Variants in PLBD2 observed in about 807,000 individuals in gnomAD.
PLBD2 encodes the protein phospholipase B domain containing 2, also known as putative aminopeptidase PLBD2.
PLBD2 carries 51 observed loss-of-function variants against 68.3 expected under a neutral mutation model. That is an observed-to-expected ratio of 0.75 (90% confidence interval 0.60 to 0.94). The LOEUF (loss-of-function observed/expected upper bound fraction) is 0.94. Among genes scored for constraint, PLBD2 ranks in the 40% least tolerant of loss-of-function variants. The probability of loss-of-function intolerance (pLI) is 0.00; values close to 1 mark genes in which losing one functional copy is unlikely to be tolerated. For synonymous variants in PLBD2, 314 were observed against 339.3 expected, an observed-to-expected ratio of 0.93 and a Z score of 0.82; for missense variants, 729 against 792.2, an observed-to-expected ratio of 0.92 and a Z score of 0.96.
intron 5 of PLBD2, among the ~76,000 whole-genome samples, chr12:113,379,307 C>T: frequency 2.2e-5 from 1 of 46,482 alleles, no homozygotes; most frequent in East Asian, 5.8e-4. Flanking sequence ...GACTCTGTCT[C>T]AAAAAAAAAA....
In PLBD2 at chr12:113,371,395, G is replaced by A. The variant is rs558191352; in HGVS notation, c.385-1254G>A. Among the ~76,000 whole-genome samples the A allele has an allele frequency of 8.5e-5, 13 of 152,366 alleles. No homozygotes were observed. The East Asian group carries it at 1.9e-3, about 23-fold the overall frequency. On this transcript the variant is annotated intron_variant, in intron 2 of 11. Transcript: ENST00000280800. ...GGGTGAATCTGAGATGCCTGGAGGC[G>A]AGGGGGAAAGAGCACATCACAGAGG...
intron 8 of PLBD2, 46 bp from the exon 9 acceptor site, chr12:113,385,166 G>A: frequency 1.3e-6 from 2 of 1,596,566 alleles, no homozygotes; most frequent in Non-Finnish European, 1.7e-6. Context: ...GCCCACAGGA[G>A]CCCCTTTTCT....
At position 113,372,134 on chromosome 12, in the gene PLBD2, G is replaced by A. The variant is rs753840364; in HGVS notation, c.385-515G>A. 3.9e-5 allele frequency among the ~76,000 whole-genome samples: 6 copies of A among 151,978 alleles called. No individual in the cohort carries two copies. Among genetic ancestry groups the A allele is most frequent in the Non-Finnish European group, 5.9e-5 (4 of 68,004 alleles). The stretch of plus-strand genomic sequence containing the variant: ...GCAGTGAGTGCTGCCACTCACTCAC[G>A]GGGATGACCAGGCTACGTGGTCTTT... On this transcript the variant is annotated intron_variant, in intron 2 of 11. Transcript: ENST00000280800. The surrounding 1 kb of genome is among the most constrained non-coding windows in gnomAD (Gnocchi z 4.2).
At chr12:113,375,188 C>A in intron 5 of PLBD2, 181 bp downstream of exon 5, 1 of 623,092 alleles carries the variant, frequency 1.6e-6, no homozygotes, top group Non-Finnish European at 2.8e-6. Context: ...CTCTGTTGCC[C>A]AGGCTGGAGT....
At chr12:113,375,052 C>A in intron 5 of PLBD2, 45 bp downstream of exon 5, 1 of 1,578,096 alleles carries the variant, frequency 6.3e-7, no homozygotes, top group South Asian at 1.1e-5. Flanking sequence ...GGTGGGTGGG[C>A]ACACACGTGG....
chr12:113,384,095 C>A lies in PLBD2; in HGVS notation c.958-10C>A. ...TAGGCTGTGCAGCAGCCCCCTTGAC[C>A]TTCCCACAGGTGACACTGGAGACCA... On this transcript the variant is annotated splice_polypyrimidine_tract_variant and intron_variant, in intron 6 of 11. Coordinates refer to ENST00000280800, the MANE Select transcript of PLBD2 (RefSeq NM_173542.4). The surrounding 1 kb of genome is among the most constrained non-coding windows in gnomAD (Gnocchi z 4.2). 1 of 1,597,024 alleles carries A rather than the reference C, an allele frequency of 6.3e-7. No homozygotes were observed. The highest frequency in any genetic ancestry group is 1.1e-5 in the South Asian group (1 of 89,096).
chr12:113,387,680 T>A, intron 10 of PLBD2, 64 bp from the exon 11 acceptor site: 1 of 1,541,888 alleles, frequency 6.5e-7, no homozygotes, highest in Non-Finnish European at 8.9e-7. Flanking sequence ...CTGTGAGGAT[T>A]TTGGCCCCCG....
rs1957397997 is a variant in PLBD2 at position 113,372,513 on chromosome 12, G to C, written c.385-136G>C. On this transcript the variant is annotated intron_variant, in intron 2 of 11. Coordinates refer to ENST00000280800, the MANE Select transcript of PLBD2 (RefSeq NM_173542.4). The surrounding 1 kb of genome is among the most constrained non-coding windows in gnomAD (Gnocchi z 4.2). Reference sequence around the variant, plus strand: ...AGCTGGGCAGGGAGAGGAGCCTCCAGGGAGAGGACAGCATGAGCAAGGACT... The same window carrying C: ...AGCTGGGCAGGGAGAGGAGCCTCCACGGAGAGGACAGCATGAGCAAGGACT... 1.1e-6 allele frequency: 1 copy of C among 946,038 alleles called. No individual in the cohort carries two copies. Among genetic ancestry groups the C allele is most frequent in the East Asian group, 2.5e-5 (1 of 40,634 alleles). The allele number at this position is 946,038 out of a possible 1,614,324, so 58.6% of individuals were successfully genotyped here.
intron 6 of PLBD2, among the ~76,000 whole-genome samples, chr12:113,382,043 G>A (rs955287945): frequency 1.3e-5 from 2 of 152,028 alleles, no homozygotes; most frequent in African/African-American, 4.8e-5. Flanking sequence ...GGCCAGTCTC[G>A]AACTCCTGGG....
chr12:113,377,685 T>A lies in PLBD2; in HGVS notation c.859+2678T>A, dbSNP rs1957447467. 5.3e-5 allele frequency among the ~76,000 whole-genome samples: 8 copies of A among 152,330 alleles called. No homozygotes were observed. In the South Asian group the frequency reaches 1.4e-3, roughly 28 times the overall value. The stretch of plus-strand genomic sequence containing the variant: ...AAGTGATCCAACCGCCTGTCCTGAT[T>A]TCTCACAGAATAGGTTAGGTTTGCC... On this transcript the variant is annotated intron_variant, in intron 5 of 11. Transcript: ENST00000280800.
In PLBD2 at chr12:113,388,537, C is replaced by T; in HGVS notation, c.1681C>T (p.Gln561Ter). Residue 561 changes from glutamine (Q) to a stop codon, truncating the protein, a stop_gained, in exon 12 of 12, where the codon CAG becomes TAG. Coordinates refer to ENST00000280800, the MANE Select transcript of PLBD2 (RefSeq NM_173542.4). LOFTEE classifies it high-confidence loss of function. ...GPTWDQVPPF[Q>*]WSTSPFSGLL... ...CACGTGGGACCAGGTGCCCCCGTTC[C>T]AGTGGAGCACCTCGCCCTTCAGCGG... 4 of 1,611,490 alleles carry T rather than the reference C, an allele frequency of 2.5e-6. No individual in the cohort carries two copies. The highest frequency in any genetic ancestry group is 3.4e-6 in the Non-Finnish European group (4 of 1,179,048).
chr12:113,366,791 C>G (rs986448316), intron 1 of PLBD2, among the ~76,000 whole-genome samples: 2 of 149,354 alleles, frequency 1.3e-5, no homozygotes, highest in African/African-American at 4.9e-5. Flanking sequence ...TCCTTCCCTC[C>G]TCCTCCTCTC....
rs755602663 is a variant in PLBD2 at position 113,372,768 on chromosome 12, A to G, written c.504A>G (p.Glu168=). 1.2e-6 allele frequency: 2 copies of G among 1,614,000 alleles called. No individual in the cohort carries two copies. The highest frequency in any genetic ancestry group is 2.2e-5 in the South Asian group (2 of 91,090). The change falls in exon 3 of 12, where the codon GAA becomes GAG. Residue 168 remains glutamate (E), a synonymous_variant. Transcript: ENST00000280800. This position sits in a 1 kb window ranked among gnomAD's most constrained non-coding sequence, Gnocchi z 4.2. ...AGGCCAACCTAGAGTGGATGCAGGA[A>G]GAGATGGAGTCAAACCCAGACTCAC... is the stretch of plus-strand genomic sequence containing the variant. The part of the protein sequence containing the change: ...FLEANLEWMQ[E]EMESNPDSPY...
At position 113,388,644 on chromosome 12, in the gene PLBD2, G is replaced by T; in HGVS notation, c.*18G>T. On this transcript the variant is annotated 3_prime_UTR_variant, in exon 12 of 12. Coordinates refer to ENST00000280800, the MANE Select transcript of PLBD2 (RefSeq NM_173542.4). The stretch of plus-strand genomic sequence containing the variant: ...GGGACTGAAGTTCTGTCCCTGCTCT[G>T]CTGCTTTCGCCCCTGCTGACCCTCG... 6.5e-7 allele frequency: 1 copy of T among 1,547,642 alleles called. No homozygotes were observed. Among genetic ancestry groups the T allele is most frequent in the Non-Finnish European group, 8.7e-7 (1 of 1,144,916 alleles).
chr12:113,380,641 G>C, intron 5 of PLBD2, 104 bp from the exon 6 acceptor site: 1 of 875,272 alleles, frequency 1.1e-6, no homozygotes, highest in Non-Finnish European at 1.8e-6. Context: ...GGGCTTCCTC[G>C]GAGGCCTGCC....
chr12:113,379,200 C>T (rs931930326), intron 5 of PLBD2, among the ~76,000 whole-genome samples: 5 of 148,042 alleles, frequency 3.4e-5, no homozygotes, highest in African/African-American at 7.5e-5. Flanking sequence ...TGCAGTTACT[C>T]GGGAGGCTGA....
intron 3 of PLBD2, 40 bp from the exon 4 acceptor site, chr12:113,374,434 A>G: frequency 1.5e-6 from 2 of 1,330,616 alleles, no homozygotes; most frequent in South Asian, 2.5e-5. Flanking sequence ...AGCCTGGAGG[A>G]GAGGCCTCAC....
intron 2 of PLBD2, 147 bp downstream of exon 2, chr12:113,369,356 A>C: frequency 8.5e-6 from 5 of 586,504 alleles, no homozygotes; most frequent in Non-Finnish European, 1.4e-5. Context: ...GTGGACATGC[A>C]TTCTTTAGAA....
rs1050038884 is a variant in PLBD2 at position 113,390,471 on chromosome 12, A to G, written c.*1845A>G. Reference sequence around the variant, plus strand: ...CACCCATTTACCCATCCATCCATCCATCCTTCCAACCATTTATCCACCCAT... The same window carrying G: ...CACCCATTTACCCATCCATCCATCCGTCCTTCCAACCATTTATCCACCCAT... On this transcript the variant is annotated 3_prime_UTR_variant, in exon 12 of 12. Transcript: ENST00000280800. 3.3e-5 allele frequency: 5 copies of G among 150,504 alleles called. No homozygotes were observed. The highest frequency in any genetic ancestry group is 7.4e-5 in the Non-Finnish European group (5 of 67,712). 9.3% of individuals were successfully genotyped at this position (150,504 alleles called of 1,614,324 possible). A position where few individuals can be genotyped will look rare whatever the true frequency, so the allele number is the denominator to read the frequency against.
Sources: allele counts gnomAD v4.1 joint callset (sites outside exome capture counted in the v4.1 genomes callset), GRCh38; gene constraint gnomAD v4.1.1; non-coding constraint Gnocchi (gnomAD v3.1); transcripts MANE v1.5; gene names NCBI Gene and HGNC (gene_info 2026-07-23, HGNC 2026-07-21).